PHF12: variants seen among roughly 807,000 people sequenced by gnomAD.
The protein encoded by PHF12 is PHD finger protein 12, also known as PHD factor 1.
Under a neutral mutation model 99.8 loss-of-function variants are expected in PHF12, and 6 were observed. The observed-to-expected ratio is 0.06, with a 90% CI of 0.03 to 0.12. The LOEUF (loss-of-function observed/expected upper bound fraction) is 0.12, where lower values mean the gene tolerates loss of function less well. PHF12 is among the 10% of genes least tolerant of loss of function. PHF12 has a pLI of 1.00. For synonymous variants in PHF12, 480 were observed against 514.9 expected, an observed-to-expected ratio of 0.93 and a Z score of 0.92; for missense variants, 954 against 1,300.1, an observed-to-expected ratio of 0.73 and a Z score of 4.09.
rs765380451 is a variant in PHF12, at chr17:28,906,228, G to A, written c.2970C>T (p.Leu990=). 1.9e-6 allele frequency: 3 copies of A among 1,611,732 alleles called. No homozygotes were observed. The South Asian group carries it at 3.3e-5, about 18-fold the overall frequency. ...GCAGCACAGGGCCCTGGTGGGGCTT[G>A]AGAGAGAGCTTCTCGGCCAAGACCC... The part of the protein sequence containing the change: ...QDGVLAEKLS[L]KPHQGPVLRS... Residue 990 remains leucine, a synonymous_variant, in exon 15 of 15, where the codon CTC becomes CTT. Coordinates refer to ENST00000332830, the MANE Select transcript of PHF12 (RefSeq NM_001033561.2). The surrounding 1 kb of genome is among the most constrained non-coding windows in gnomAD (Gnocchi z 4.2).
intron 2 of PHF12, among the ~76,000 whole-genome samples, chr17:28,946,028 C>A (rs1044384581): frequency 3.9e-5 from 6 of 152,176 alleles, no homozygotes; most frequent in Non-Finnish European, 8.8e-5. Context: ...CCCAGCTACT[C>A]AGAAGGCTGA....
At chr17:28,921,542 T>C in intron 5 of PHF12, 146 bp downstream of exon 5, 1 of 1,042,918 alleles carries the variant, frequency 9.6e-7, no homozygotes, top group Non-Finnish European at 1.4e-6. Flanking sequence ...AAGGCTCTCG[T>C]CAGTCCATTA....
chr17:28,931,974 T>G (rs1297687311), intron 2 of PHF12, among the ~76,000 whole-genome samples: 4 of 152,090 alleles, frequency 2.6e-5, no homozygotes, highest in Non-Finnish European at 4.4e-5. Context: ...ATATCTAAGA[T>G]TAGATGGATA....
chr17:28,916,198 T>A (rs2040057893), intron 7 of PHF12, among the ~76,000 whole-genome samples: 1 of 152,254 alleles, frequency 6.6e-6, no homozygotes, highest in Non-Finnish European at 1.5e-5. Flanking sequence ...GTGGTGTGAC[T>A]GACCTTTTTT....
chr17:28,914,387 C>T (rs185583295), intron 7 of PHF12, among the ~76,000 whole-genome samples: 6 of 152,190 alleles, frequency 3.9e-5, no homozygotes, highest in African/African-American at 9.6e-5. Flanking sequence ...GATAAAAATG[C>T]TTAGGCCAGG....
In PHF12 at chr17:28,913,201, T is replaced by A; in HGVS notation, c.1370A>T (p.Asp457Val). ...LSAKQMPSHW[D>V]SEQTEKADIK... ...ATCAGCCTTCTCTGTCTGTTCAGAG[T>A]CCCAATGCGAAGGCATCTGCTTAGC... The change falls in exon 9 of 15, where the codon GAC becomes GTC. Residue 457 changes from aspartate (D) to valine (V), a missense_variant. By Grantham distance (152) the Asp-to-Val change is radical. Transcript: ENST00000332830. The A allele has an allele frequency of 6.2e-7, 1 of 1,613,996 alleles. No homozygotes were observed. Among genetic ancestry groups the A allele is most frequent in the Non-Finnish European group, 8.5e-7 (1 of 1,179,978 alleles).
chr17:28,934,097 A>G (rs2040463779), intron 2 of PHF12, among the ~76,000 whole-genome samples: 1 of 152,202 alleles, frequency 6.6e-6, no homozygotes, highest in South Asian at 2.1e-4. Context: ...CATCCACTCA[A>G]AAATTATTGG....
In PHF12 at chr17:28,950,988, C is replaced by T; in HGVS notation, c.-28G>A. The T allele has an allele frequency of 5.6e-6, 9 of 1,613,154 alleles. No homozygotes were observed. Among genetic ancestry groups the T allele is most frequent in the Non-Finnish European group, 7.6e-6 (9 of 1,179,540 alleles). Reference sequence around the variant, plus strand: ...ATCCACCTCCCGGGCTGGGTGCTCTCTGCTCCGGCCCCCCCAACCCCGGGG... The same window carrying T: ...ATCCACCTCCCGGGCTGGGTGCTCTTTGCTCCGGCCCCCCCAACCCCGGGG... On this transcript the variant is annotated 5_prime_UTR_variant, in exon 1 of 15. Transcript: ENST00000332830. The surrounding 1 kb of genome is among the most constrained non-coding windows in gnomAD (Gnocchi z 5.7).
intron 2 of PHF12, among the ~76,000 whole-genome samples, chr17:28,932,211 AG>A (rs1487308942): frequency 1.3e-5 from 2 of 152,012 alleles, no homozygotes; most frequent in African/African-American, 2.4e-5. Flanking sequence ...GGCTCACTGA[AG>A]CCTTGACCCC....
rs141729212 is a variant in PHF12, at chr17:28,917,314, G to A, written c.1105C>T (p.Leu369Phe). ...HKKHPPNRRV[L>F]QSVKRRSLKV... ...AAGCTTCTTCTTTTGACCGACTGGA[G>A]CACACGCCGGTTAGGGGGGTGCTTC... is the stretch of plus-strand genomic sequence containing the variant. The change falls in exon 7 of 15, where the codon CTC becomes TTC. Residue 369 changes from leucine to phenylalanine, a missense_variant. By Grantham distance (22) the Leu-to-Phe change is conservative. This residue lies in a region of PHF12 where 392 missense variants were observed against 423.1 expected (regional missense o/e 0.93). Transcript: ENST00000332830. The A allele has an allele frequency of 1.9e-6, 3 of 1,613,920 alleles. No homozygotes were observed. The African/African-American group carries it at 4.0e-5, about 22-fold the overall frequency.
chr17:28,919,316 G>A (rs2040116904), intron 5 of PHF12, 41 bp from the exon 6 acceptor site: 1 of 1,601,826 alleles, frequency 6.2e-7, no homozygotes, highest in African/African-American at 1.3e-5. Context: ...GGCAAGAAAA[G>A]GAAAATTCAA....
rs2040804725 is a variant in PHF12, at chr17:28,951,157, A to AG, written c.-198dup. The AG allele has an allele frequency of 2.8e-6, 4 of 1,417,762 alleles. No homozygotes were observed. The African/African-American group carries it at 5.9e-5, about 21-fold the overall frequency. 87.8% of individuals were successfully genotyped at this position (1,417,762 alleles called of 1,614,324 possible). A position where few individuals can be genotyped will look rare whatever the true frequency, so the allele number is the denominator to read the frequency against. On this transcript the variant is annotated 5_prime_UTR_variant, in exon 1 of 15. Transcript: ENST00000332830. ...GACAGCGTCCTCCCGACGGGCCGCGAGGGGGGAGCGGCCCCTCAGTCCCGG... is the reference window on the plus strand; with the variant it reads ...GACAGCGTCCTCCCGACGGGCCGCGAGGGGGGGAGCGGCCCCTCAGTCCCGG...
chr17:28,910,983 T>G, intron 10 of PHF12, 129 bp downstream of exon 10: 1 of 1,294,348 alleles, frequency 7.7e-7, no homozygotes, highest in Non-Finnish European at 1.1e-6. Context: ...ATACTCCTCA[T>G]TCCCATCTCC....
intron 2 of PHF12, among the ~76,000 whole-genome samples, chr17:28,943,538 G>A (rs1334194237): frequency 6.6e-6 from 1 of 152,202 alleles, no homozygotes; most frequent in Non-Finnish European, 1.5e-5. Flanking sequence ...GCTGAGGCAG[G>A]AGAATCGCTT....
At chr17:28,931,300 G>C (rs1362913027) in intron 2 of PHF12, among the ~76,000 whole-genome samples, 1 of 150,214 alleles carries the variant, frequency 6.7e-6, no homozygotes, top group Non-Finnish European at 1.5e-5. Context: ...CAGTTGCCCA[G>C]GCTGGAGTGC....
intron 5 of PHF12, among the ~76,000 whole-genome samples, chr17:28,919,560 G>GA: frequency 6.6e-6 from 1 of 152,302 alleles, no homozygotes; most frequent in East Asian, 1.9e-4. Flanking sequence ...CCAACATGGT[G>GA]AAACCCTGTC....
intron 2 of PHF12, among the ~76,000 whole-genome samples, chr17:28,939,091 A>G (rs1202773557): frequency 6.6e-6 from 1 of 152,252 alleles, no homozygotes; most frequent in Non-Finnish European, 1.5e-5. Context: ...GCTTACTTCA[A>G]CACCAACAAA....
At chr17:28,945,888 C>T (rs994941442) in intron 2 of PHF12, among the ~76,000 whole-genome samples, 1 of 152,188 alleles carries the variant, frequency 6.6e-6, no homozygotes, top group African/African-American at 2.4e-5. Flanking sequence ...GTAATCCCAG[C>T]TCTTTGGGAG....
Position 28,917,322 on chromosome 17 carries a change from C to G in PHF12, c.1097G>C (p.Arg366Pro). 1.2e-6 allele frequency: 2 copies of G among 1,614,074 alleles called. No individual in the cohort carries two copies. Among genetic ancestry groups the G allele is most frequent in the Non-Finnish European group, 1.7e-6 (2 of 1,180,018 alleles). ...NRIHKKHPPN[R>P]RVLQSVKRRS... ...TCTTTTGACCGACTGGAGCACACGC[C>G]GGTTAGGGGGGTGCTTCTTGTGGAT... Residue 366 changes from arginine to proline, a missense_variant, in exon 7 of 15, where the codon CGG becomes CCG. By Grantham distance (103) the Arg-to-Pro change is moderately radical. Around this residue, in one of 8 missense-constraint regions of PHF12, gnomAD observed 392 missense variants for 423.1 expected, o/e 0.93. Transcript: ENST00000332830.
Sources: gnomAD v4.1 joint callset for allele counts (sites outside exome capture counted in the v4.1 genomes callset) on GRCh38, gnomAD v4.1.1 for gene constraint, gnomAD v4.1.1 regional missense constraint, Gnocchi (gnomAD v3.1) non-coding constraint, MANE v1.5 for transcripts, NCBI Gene and HGNC (gene_info 2026-07-23, HGNC 2026-07-21) for gene names.